LRRC49: variants seen among roughly 807,000 people sequenced by gnomAD.
LRRC49 encodes leucine-rich repeat-containing protein 49.
Under a neutral mutation model 83.3 loss-of-function variants are expected in LRRC49, and 50 were observed. That is an observed-to-expected ratio of 0.60 (90% confidence interval 0.48 to 0.76). The LOEUF is 0.76. LRRC49 is among the 30% of genes least tolerant of loss of function. The pLI, the probability that LRRC49 is intolerant of heterozygous loss-of-function variation, is 0.00. For missense variants in LRRC49, 704 were observed against 809.1 expected (o/e 0.87, Z 1.58); for synonymous variants, 286 against 283.3 (o/e 1.01, Z -0.10).
At chr15:70,917,785 C>T (rs2034844140) in intron 6 of LRRC49, among the ~76,000 whole-genome samples, 1 of 152,224 alleles carries the variant, frequency 6.6e-6, no homozygotes, top group Non-Finnish European at 1.5e-5. Flanking sequence ...GCTCACCCTC[C>T]ACTTGTCTGC....
At chr15:70,937,113 CTTTG>C (rs749171176) in intron 8 of LRRC49, among the ~76,000 whole-genome samples, 2 of 152,144 alleles carry the variant, frequency 1.3e-5, no homozygotes, top group East Asian at 1.9e-4. Flanking sequence ...TTTTGCTGTC[CTTTG>C]TTTGACATTC....
At chr15:70,894,132 G>A (rs2033719951) in intron 2 of LRRC49, among the ~76,000 whole-genome samples, 1 of 152,210 alleles carries the variant, frequency 6.6e-6, no homozygotes, top group Non-Finnish European at 1.5e-5. Flanking sequence ...CTGAGCTGAA[G>A]CAATCCGCTT....
chr15:70,853,979 C>A, intron 1 of LRRC49: 1 of 1,462,728 alleles, frequency 6.8e-7, no homozygotes, highest in Non-Finnish European at 9.1e-7. Flanking sequence ...AGTCTCCGCC[C>A]CCTCCTCCTC....
chr15:70,971,514 G>C (rs941414313), intron 9 of LRRC49, among the ~76,000 whole-genome samples: 1 of 152,166 alleles, frequency 6.6e-6, no homozygotes, highest in South Asian at 2.1e-4. Flanking sequence ...TTCAAGTCCT[G>C]AATATCCTTG....
rs934370808 is a variant in LRRC49, at chr15:70,853,729, G to A, written c.-299+260G>A. Among the ~76,000 whole-genome samples, 24 of 152,276 alleles carry A rather than the reference G, an allele frequency of 1.6e-4. 2 individuals carry two copies. The highest frequency in any genetic ancestry group is 5.2e-4 in the Admixed American group (8 of 15,308). ...GGGGCACCGGCTGCCTCCACGGGCC[G>A]GTTCTGACTCAGGGGCTCGGCCCGG... On this transcript the variant is annotated intron_variant, in intron 1 of 16. Coordinates refer to the LRRC49 transcript ENST00000544974.
At chr15:70,966,654 G>A (rs1596076441) in intron 9 of LRRC49, among the ~76,000 whole-genome samples, 1 of 151,964 alleles carries the variant, frequency 6.6e-6, no homozygotes. Flanking sequence ...TGCTACTAAA[G>A]TGCTAGACCA....
chr15:70,862,759 C>T (rs1242259726), intron 1 of LRRC49, among the ~76,000 whole-genome samples: 1 of 152,092 alleles, frequency 6.6e-6, no homozygotes, highest in Non-Finnish European at 1.5e-5. Flanking sequence ...CAGGTTCCTC[C>T]CAACAGGTCT....
rs578137274 is a variant in LRRC49 at position 71,029,270 on chromosome 15, A to G, written c.1704-7909A>G. 3.2e-4 allele frequency among the ~76,000 whole-genome samples: 49 copies of G among 152,266 alleles called. No individual in the cohort carries two copies. The South Asian group carries it at 9.5e-3, about 30-fold the overall frequency. ...GTTGTGTACTATTTTCCCAGTAGTC[A>G]TTCAGGAGCAGAGTGTTCAATTTCC... On this transcript the variant is annotated intron_variant, in intron 14 of 15. Coordinates refer to ENST00000260382, the MANE Select transcript of LRRC49 (RefSeq NM_017691.5).
rs1247299589 is a variant in LRRC49, at chr15:70,893,240, T to C, written c.48+298T>C. 8 of 565,764 alleles carry C rather than the reference T, an allele frequency of 1.4e-5. No individual in the cohort carries two copies. In the Admixed American group the frequency reaches 2.6e-4, roughly 18 times the overall value. 35.0% of individuals were successfully genotyped at this position (565,764 alleles called of 1,614,324 possible). ...TCAATTCCTTTTTCTTTTCTTTTCC[T>C]TTTAACTGTGAAGAGAATTTATCAT... On this transcript the variant is annotated intron_variant, in intron 1 of 15. Coordinates refer to ENST00000260382, the MANE Select transcript of LRRC49 (RefSeq NM_017691.5).
At chr15:70,989,120 G>A (rs2037756046) in intron 11 of LRRC49, among the ~76,000 whole-genome samples, 1 of 152,090 alleles carries the variant, frequency 6.6e-6, no homozygotes, top group Admixed American at 6.5e-5. Context: ...GTGTCTTGGA[G>A]TTGCTCTTCT....
At chr15:70,940,287 C>T (rs1418639287) in intron 8 of LRRC49, among the ~76,000 whole-genome samples, 5 of 135,410 alleles carry the variant, frequency 3.7e-5, no homozygotes, top group South Asian at 2.4e-4. Context: ...GACGGAGTCT[C>T]GCTCTGTCGC....
In LRRC49 at chr15:70,895,871, A is replaced by C. The variant is rs768141323; in HGVS notation, c.128A>C (p.Asp43Ala). ...KNKVEFKLNK[D>A]TSSFPGRLLQ... ...CAGGTTGAATTCAAGCTAAATAAAG[A>C]CACATCGTCATTCCCCGGTAGACTT... The change falls in exon 3 of 16, where the codon GAC becomes GCC. Residue 43 changes from aspartate to alanine, a missense_variant. Asp to Ala is a moderately radical substitution (Grantham distance 126). Transcript: ENST00000260382. The C allele has an allele frequency of 6.2e-7, 1 of 1,610,558 alleles. No individual in the cohort carries two copies. The highest frequency in any genetic ancestry group is 8.5e-7 in the Non-Finnish European group (1 of 1,178,404).
chr15:71,046,511 G>A (rs908478969), intron 15 of LRRC49, among the ~76,000 whole-genome samples: 1 of 152,134 alleles, frequency 6.6e-6, no homozygotes, highest in African/African-American at 2.4e-5. Context: ...CCTTTGAGAA[G>A]TATCTGTTCA....
intron 1 of LRRC49, among the ~76,000 whole-genome samples, chr15:70,862,815 C>A (rs1175336704): frequency 2.0e-5 from 3 of 152,112 alleles, no homozygotes. Flanking sequence ...TGCAAGTAAC[C>A]AGCACAATTC....
chr15:71,038,757 T>G (rs2039604354), intron 15 of LRRC49, among the ~76,000 whole-genome samples: 1 of 152,168 alleles, frequency 6.6e-6, no homozygotes, highest in African/African-American at 2.4e-5. Context: ...AGTACCACCT[T>G]ACATAGTAAA....
chr15:71,042,801 A>C (rs909292837), intron 15 of LRRC49, among the ~76,000 whole-genome samples: 1 of 152,192 alleles, frequency 6.6e-6, no homozygotes, highest in African/African-American at 2.4e-5. Context: ...CAGAGTGCTG[A>C]AAGGGACTTT....
chr15:70,913,566 CAGTA>C (rs1248938164), intron 6 of LRRC49, among the ~76,000 whole-genome samples: 1 of 152,076 alleles, frequency 6.6e-6, no homozygotes, highest in African/African-American at 2.4e-5. Flanking sequence ...GAAAACAACA[CAGTA>C]AGTATTTACC....
rs749474576 is a variant in LRRC49, at chr15:70,894,649, C to T, written c.105+1009C>T. 7 of 1,283,582 alleles carry T rather than the reference C, an allele frequency of 5.5e-6. No individual in the cohort carries two copies. In the South Asian group the frequency reaches 8.7e-5, roughly 16 times the overall value. The allele number at this position is 1,283,582 out of a possible 1,614,324, so 79.5% of individuals were successfully genotyped here. A position where few individuals can be genotyped will look rare whatever the true frequency, so the allele number is the denominator to read the frequency against. On this transcript the variant is annotated intron_variant, in intron 2 of 15. Transcript: ENST00000260382. ...TTTCCTCCTTTGACCAAGTTGGAAA[C>T]CTCTAACCATCACAATTCAGGTGTG...
At chr15:71,011,187 C>G (rs1029303498) in intron 13 of LRRC49, among the ~76,000 whole-genome samples, 1 of 152,002 alleles carries the variant, frequency 6.6e-6, no homozygotes, top group Non-Finnish European at 1.5e-5. Context: ...GTACTTCCCC[C>G]GAGGTGAGGT....
Sources: gnomAD v4.1 joint callset for allele counts (sites outside exome capture counted in the v4.1 genomes callset) on GRCh38, gnomAD v4.1.1 for gene constraint, MANE v1.5 for transcripts, NCBI Gene and HGNC (gene_info 2026-07-23, HGNC 2026-07-21) for gene names.